Variants in SPOCK2 observed in about 807,000 individuals in gnomAD.
The protein encoded by SPOCK2 is SPARC (osteonectin), cwcv and kazal like domains proteoglycan 2, also known as testican-2.
A neutral mutation model predicts 60.1 loss-of-function variants in SPOCK2; 39 were observed. That is an observed-to-expected ratio of 0.65 (90% CI 0.50 to 0.85). SPOCK2 has a LOEUF of 0.85. SPOCK2 is among the 40% of genes least tolerant of loss of function. SPOCK2 has a pLI of 0.00. For missense variants in SPOCK2, 523 were observed against 567.4 expected (o/e 0.92, Z 0.80); for synonymous variants, 217 against 231.5 (o/e 0.94, Z 0.57).
chr10:72,063,422 C>G (rs1840524918), intron 9 of SPOCK2, among the ~76,000 whole-genome samples: 1 of 152,244 alleles, frequency 6.6e-6, no homozygotes, highest in South Asian at 2.1e-4. Flanking sequence ...CCCAGCCGCC[C>G]CATCAGTTTC....
intron 4 of SPOCK2, among the ~76,000 whole-genome samples, chr10:72,071,251 G>A (rs189582950): frequency 4.6e-5 from 7 of 151,852 alleles, no homozygotes; most frequent in Admixed American, 1.3e-4. Flanking sequence ...GTGCAGTGGC[G>A]TGATCTCGGC....
chr10:72,068,064 G>A (rs1840595538), intron 6 of SPOCK2, 123 bp downstream of exon 6: 1 of 1,152,514 alleles, frequency 8.7e-7, no homozygotes, highest in South Asian at 1.5e-5. Context: ...GCTCCCTCAA[G>A]CTTTCTGCAT....
At chr10:72,079,442 C>T (rs564827771) in intron 1 of SPOCK2, among the ~76,000 whole-genome samples, 1 of 152,322 alleles carries the variant, frequency 6.6e-6, no homozygotes, top group East Asian at 1.9e-4. Flanking sequence ...CTTCACATGA[C>T]CCCTGGTTCA....
chr10:72,088,992 G>T (rs1840906044), upstream of SPOCK2: 1 of 152,318 alleles, frequency 6.6e-6, no homozygotes, highest in Non-Finnish European at 1.5e-5. Flanking sequence ...TGGCTCTACC[G>T]TAATGGGTGG....
In SPOCK2 at chr10:72,087,113, C is replaced by T; in HGVS notation, c.189+1027G>A. On this transcript the variant is annotated intron_variant, in intron 1 of 10. Coordinates refer to ENST00000373109, the MANE Select transcript of SPOCK2 (RefSeq NM_001244950.2). The surrounding 1 kb of genome is among the most constrained non-coding windows in gnomAD (Gnocchi z 4.7). ...CTCTGGCGCATCCGGGCCCATCCCCCACAGCACCCCCAACGATCTCGGGGT... is the reference window on the plus strand; with the variant it reads ...CTCTGGCGCATCCGGGCCCATCCCCTACAGCACCCCCAACGATCTCGGGGT... 1 of 1,070,682 alleles carries T rather than the reference C, an allele frequency of 9.3e-7. No homozygotes were observed. The highest frequency in any genetic ancestry group is 1.6e-5 in the African/African-American group (1 of 61,554). The allele number at this position is 1,070,682 out of a possible 1,614,324, so 66.3% of individuals were successfully genotyped here. A position where few individuals can be genotyped will look rare whatever the true frequency, so the allele number is the denominator to read the frequency against.
At chr10:72,069,264 TC>T (rs1376302044) in intron 5 of SPOCK2, 1 of 152,894 alleles carries the variant, frequency 6.5e-6, no homozygotes, top group Non-Finnish European at 1.5e-5. Context: ...CTCCTCCCTT[TC>T]TTCTCCCTGG....
In SPOCK2 at chr10:72,062,834, C is replaced by T. The variant is rs1840512191; in HGVS notation, c.1201G>A (p.Glu401Lys). Residue 401 changes from glutamate (E) to lysine (K), a missense_variant, in exon 11 of 11, where the codon GAG becomes AAG. By Grantham distance (56) the Glu-to-Lys change is moderately conservative. Transcript: ENST00000373109. The surrounding 1 kb of genome is among the most constrained non-coding windows in gnomAD (Gnocchi z 4.3). Reference protein sequence around the residue: ...GWEDEEEKETEEAGEEAEEEE... With the variant: ...GWEDEEEKETKEAGEEAEEEE... ...TCCTCGGCCTCCTCGCCTGCTTCCT[C>T]CGTCTCCTTCTCCTCCTCATCCTCC... 6.2e-7 allele frequency: 1 copy of T among 1,609,214 alleles called. No homozygotes were observed. The highest frequency in any genetic ancestry group is 1.3e-5 in the African/African-American group (1 of 75,018).
At chr10:72,068,350 G>A (rs1241230935) in intron 5 of SPOCK2, 49 bp from the exon 6 acceptor site, 3 of 1,527,248 alleles carry the variant, frequency 2.0e-6, no homozygotes, top group Admixed American at 2.0e-5. Context: ...TACCCCAGGG[G>A]TCCCCACAGC....
In SPOCK2 at chr10:72,068,089, T is replaced by A. The variant is rs997089831; in HGVS notation, c.589+98A>T. Reference sequence around the variant, plus strand: ...GCTTTCTGCATTTTTGCCACTTCCCTCTTGCTCTGCACACCTCTTCTACCA... The same window carrying A: ...GCTTTCTGCATTTTTGCCACTTCCCACTTGCTCTGCACACCTCTTCTACCA... On this transcript the variant is annotated intron_variant, in intron 6 of 10. Transcript: ENST00000373109. 23 of 1,388,026 alleles carry A rather than the reference T, an allele frequency of 1.7e-5. No individual in the cohort carries two copies. In the East Asian group the frequency reaches 5.7e-4, roughly 35 times the overall value. 86.0% of individuals were successfully genotyped at this position (1,388,026 alleles called of 1,614,324 possible).
chr10:72,065,331 C>T (rs1214169724), intron 8 of SPOCK2, among the ~76,000 whole-genome samples: 1 of 152,192 alleles, frequency 6.6e-6, no homozygotes, highest in Non-Finnish European at 1.5e-5. Flanking sequence ...CCACCGCGCC[C>T]GGTCTATGTT....
chr10:72,081,455 G>A (rs1840783132), intron 1 of SPOCK2, among the ~76,000 whole-genome samples: 1 of 152,338 alleles, frequency 6.6e-6, no homozygotes, highest in African/African-American at 2.4e-5. Flanking sequence ...AAGACAGCAG[G>A]AGGGGGCTGG....
In SPOCK2 at chr10:72,067,117, A is replaced by G; in HGVS notation, c.713T>C (p.Leu238Pro). The change falls in exon 8 of 11, where the codon CTG (leucine) becomes CCG (proline). Residue 238 changes from leucine (L) to proline (P), a missense_variant. Coordinates refer to ENST00000373109, the MANE Select transcript of SPOCK2 (RefSeq NM_001244950.2). ...GCAGCTGGCCCCCAGGCTCTTGTCC[A>G]GCCCTGGGAAAAGATCAGGTTCAGG... The part of the protein sequence containing the change: ...ASSVAGPASG[L>P]DKSLGASCKD... The G allele has an allele frequency of 1.2e-6, 2 of 1,613,332 alleles. No individual in the cohort carries two copies. Among genetic ancestry groups the G allele is most frequent in the Non-Finnish European group, 1.7e-6 (2 of 1,179,730 alleles).
intron 1 of SPOCK2, chr10:72,086,418 C>T: frequency 9.7e-7 from 1 of 1,029,768 alleles, no homozygotes; most frequent in Non-Finnish European, 1.2e-6. Flanking sequence ...TAAACCTTTC[C>T]TGTTCTGATT....
chr10:72,066,086 T>C (rs1053372999), intron 8 of SPOCK2, among the ~76,000 whole-genome samples: 5 of 152,098 alleles, frequency 3.3e-5, no homozygotes, highest in Non-Finnish European at 7.4e-5. Flanking sequence ...GGGACCTCCA[T>C]TTTCCGAGAT....
At position 72,067,700 on chromosome 10, in the gene SPOCK2, C is replaced by T; in HGVS notation, c.622G>A (p.Gly208Arg). The change falls in exon 7 of 11, where the codon GGA becomes AGA. Residue 208 changes from glycine to arginine, a missense_variant. Transcript: ENST00000373109. ...TCTGQDLADLGDRLRDWFQLL... is the reference protein window; with the variant it reads ...TCTGQDLADLRDRLRDWFQLL... ...TGGAACCAGTCCCGCAGCCGATCTC[C>T]CAGGTCAGCCAGGTCCTGACCGGTG... 1 of 1,613,738 alleles carries T rather than the reference C, an allele frequency of 6.2e-7. No homozygotes were observed. The highest frequency in any genetic ancestry group is 1.1e-5 in the South Asian group (1 of 91,008).
At chr10:72,064,503 A>G (rs1244278630) in intron 8 of SPOCK2, among the ~76,000 whole-genome samples, 1 of 152,126 alleles carries the variant, frequency 6.6e-6, no homozygotes, top group African/African-American at 2.4e-5. Context: ...TGAGAGGAGT[A>G]ACAGGATTCA....
chr10:72,067,760 G>A (rs745771775), intron 6 of SPOCK2, 28 bp from the exon 7 acceptor site: 12 of 1,607,938 alleles, frequency 7.5e-6, no homozygotes, highest in African/African-American at 1.3e-5. Context: ...GGCATGGAGG[G>A]CGAATGTGCA....
intron 1 of SPOCK2, 22 bp from the exon 2 acceptor site, chr10:72,072,932 C>CA: frequency 6.4e-7 from 1 of 1,554,374 alleles, no homozygotes; most frequent in African/African-American, 1.4e-5. Context: ...GGAACAGCAG[C>CA]AGGCCATGGA....
Position 72,063,139 on chromosome 10 carries a change from C to G in SPOCK2, c.1015G>C (p.Glu339Gln). The part of the protein sequence containing the change: ...KPGIFIPSCD[E>Q]DGYYRKMQCD... ...TGCATCTTCCGGTAGTAGCCATCCT[C>G]GTCGCAGCTCGGGATGAAGATGCCT... is the stretch of plus-strand genomic sequence containing the variant. The change falls in exon 10 of 11, where the codon GAG becomes CAG. Residue 339 changes from glutamate (E) to glutamine (Q), a missense_variant. By Grantham distance (29) the Glu-to-Gln change is conservative. Transcript: ENST00000373109. 1 of 1,556,628 alleles carries G rather than the reference C, an allele frequency of 6.4e-7. No individual in the cohort carries two copies. Among genetic ancestry groups the G allele is most frequent in the Admixed American group, 1.9e-5 (1 of 51,796 alleles).
Sources: gnomAD v4.1 joint callset for allele counts (sites outside exome capture counted in the v4.1 genomes callset) on GRCh38, gnomAD v4.1.1 for gene constraint, Gnocchi (gnomAD v3.1) non-coding constraint, MANE v1.5 for transcripts, NCBI Gene and HGNC (gene_info 2026-07-23, HGNC 2026-07-21) for gene names.